The following SAV1 variants were observed in gnomAD, a reference collection of about 807,000 sequenced individuals.
SAV1 encodes the protein salvador family WW domain containing protein 1.
SAV1 carries 23 observed loss-of-function variants against 47.3 expected under a neutral mutation model. That is an observed-to-expected ratio of 0.49 (90% CI 0.35 to 0.69). SAV1 has a LOEUF of 0.69. SAV1 is among the 30% of genes least tolerant of loss of function. The probability of loss-of-function intolerance (pLI) is 0.01; values close to 1 mark genes in which losing one functional copy is unlikely to be tolerated. For synonymous variants in SAV1, 155 were observed against 159.2 expected, an observed-to-expected ratio of 0.97 and a Z score of 0.20; for missense variants, 448 against 457.4, an observed-to-expected ratio of 0.98 and a Z score of 0.19.
In SAV1 at chr14:50,635,190, T is replaced by C; in HGVS notation, c.1145A>G (p.Asn382Ser). The change falls in exon 5 of 5, where the codon AAT becomes AGT. Residue 382 changes from asparagine (N) to serine (S), a missense_variant. Transcript: ENST00000324679. ...AATTTTTAAAAAATCAGCTCAAAAA[T>C]TTTTTCCATGTTGTTGGGCATACCA... The part of the protein sequence containing the change: ...QQWYAQQHGK[N>S]F 1 of 1,610,646 alleles carries C rather than the reference T, an allele frequency of 6.2e-7. No individual in the cohort carries two copies. Among genetic ancestry groups the C allele is most frequent in the Admixed American group, 1.7e-5 (1 of 59,392 alleles).
At chr14:50,639,473 G>T (rs145228684) in intron 4 of SAV1, among the ~76,000 whole-genome samples, 1 of 152,292 alleles carries the variant, frequency 6.6e-6, no homozygotes, top group East Asian at 1.9e-4. Context: ...GAAAGCAACA[G>T]GCTTCCAGAC....
At chr14:50,645,865 A>G (rs978117770) in intron 2 of SAV1, among the ~76,000 whole-genome samples, 3 of 152,188 alleles carry the variant, frequency 2.0e-5, no homozygotes, top group Non-Finnish European at 2.9e-5. Context: ...ATTAATATTT[A>G]TATATTAACA....
chr14:50,637,668 T>TTTTTTTTTTG lies in SAV1; in HGVS notation c.951-2285_951-2284insCAAAAAAAAA, dbSNP rs1236918852. On this transcript the variant is annotated intron_variant, in intron 4 of 4. Coordinates refer to ENST00000324679, the MANE Select transcript of SAV1 (RefSeq NM_021818.4). ...AATCTTCAAACAATTTTGTCAGTTT[T>TTTTTTTTTTG]TTTTTTTTTTTTTTTTTTTTTAAGA... The TTTTTTTTTTG allele has an allele frequency of 1.9e-3, 270 of 141,592 alleles. 5 individuals are homozygous for TTTTTTTTTTG. Among genetic ancestry groups the TTTTTTTTTTG allele is most frequent in the African/African-American group, 5.8e-3 (216 of 37,166 alleles). 8.8% of individuals were successfully genotyped at this position (141,592 alleles called of 1,614,324 possible). A position where few individuals can be genotyped will look rare whatever the true frequency, so the allele number is the denominator to read the frequency against.
In SAV1 at chr14:50,634,988, T is replaced by C. The variant is rs1229935897; in HGVS notation, c.*195A>G. The C allele has an allele frequency of 5.2e-6, 3 of 572,658 alleles. No homozygotes were observed. The highest frequency in any genetic ancestry group is 2.2e-5 in the South Asian group (1 of 46,368). 35.5% of individuals were successfully genotyped at this position (572,658 alleles called of 1,614,324 possible). ...ACAGTATTTGAAAGTGTTTGCCATA[T>C]TGGCTCTTAAAATGATAGACTAATT... On this transcript the variant is annotated 3_prime_UTR_variant, in exon 5 of 5. Coordinates refer to ENST00000324679, the MANE Select transcript of SAV1 (RefSeq NM_021818.4).
intron 2 of SAV1, 140 bp from the exon 3 acceptor site, chr14:50,645,154 T>C: frequency 4.1e-6 from 3 of 737,408 alleles, no homozygotes; most frequent in Non-Finnish European, 6.4e-6. Flanking sequence ...ATTATGATGG[T>C]TTTCATAAAA....
intron 2 of SAV1, among the ~76,000 whole-genome samples, chr14:50,660,729 T>C (rs1318856434): frequency 2.0e-5 from 3 of 152,218 alleles, no homozygotes; most frequent in South Asian, 2.1e-4. Context: ...TTTGGACCCA[T>C]TAACCTACCT....
chr14:50,647,088 C>A (rs188059799), intron 2 of SAV1, among the ~76,000 whole-genome samples: 3 of 152,010 alleles, frequency 2.0e-5, no homozygotes, highest in Admixed American at 6.6e-5. Context: ...ACCTTACATA[C>A]AAATTAACTA....
Position 50,635,154 on chromosome 14 carries a change from T to TA in SAV1, c.*28dup. The TA allele has an allele frequency of 6.3e-7, 1 of 1,577,592 alleles. No individual in the cohort carries two copies. The highest frequency in any genetic ancestry group is 8.7e-7 in the Non-Finnish European group (1 of 1,149,100). On this transcript the variant is annotated 3_prime_UTR_variant, in exon 5 of 5. Coordinates refer to ENST00000324679, the MANE Select transcript of SAV1 (RefSeq NM_021818.4). ...ATCTGTGAAAATATTTTAAAGCTCT[T>TA]ACAAAACTTAAATTTTTAAAAAATC...
chr14:50,636,365 G>A (rs1210840690), intron 4 of SAV1, among the ~76,000 whole-genome samples: 1 of 152,082 alleles, frequency 6.6e-6, no homozygotes, highest in Non-Finnish European at 1.5e-5. Context: ...AAATGAAGAG[G>A]AACCCTCAAT....
chr14:50,665,693 G>C, intron 1 of SAV1, 74 bp from the exon 2 acceptor site: 1 of 1,292,976 alleles, frequency 7.7e-7, no homozygotes, highest in Non-Finnish European at 1.1e-6. Context: ...GTTCATTTAT[G>C]TCTACCACCC....
chr14:50,663,562 C>G (rs1165772098), intron 2 of SAV1, among the ~76,000 whole-genome samples: 6 of 152,204 alleles, frequency 3.9e-5, no homozygotes, highest in African/African-American at 1.4e-4. Context: ...CAGTGAGACT[C>G]TGATGTCAGC....
chr14:50,664,752 A>T (rs759918559), intron 2 of SAV1: 1 of 154,282 alleles, frequency 6.5e-6, no homozygotes, highest in Non-Finnish European at 1.4e-5. Context: ...GGTATCACTG[A>T]GCATGCCCAG....
At chr14:50,655,918 G>T (rs924084283) in intron 2 of SAV1, among the ~76,000 whole-genome samples, 2 of 152,106 alleles carry the variant, frequency 1.3e-5, no homozygotes, top group South Asian at 4.2e-4. Context: ...GGTGGCATAT[G>T]CCTGTAATTC....
In SAV1 at chr14:50,640,860, T is replaced by C. The variant is rs759463186; in HGVS notation, c.840A>G (p.Thr280=). The C allele has an allele frequency of 2.5e-6, 4 of 1,613,582 alleles. No individual in the cohort carries two copies. The highest frequency in any genetic ancestry group is 3.4e-6 in the Non-Finnish European group (4 of 1,179,714). ...TTCTTTCAGTTTGCTGTGGCTGGTA[T>C]GTGACAGGAGGTGGTTGATCATACC... is the stretch of plus-strand genomic sequence containing the variant. ...VPRYDQPPPV[T]YQPQQTERNQ... The change falls in exon 4 of 5, where the codon ACA becomes ACG. Residue 280 remains threonine, a synonymous_variant. Transcript: ENST00000324679.
chr14:50,640,913 A>G lies in SAV1; in HGVS notation c.807-20T>C. The G allele has an allele frequency of 6.3e-7, 1 of 1,579,810 alleles. No individual in the cohort carries two copies. The highest frequency in any genetic ancestry group is 1.2e-5 in the South Asian group (1 of 85,566). ...GGTACACTAAGAAGAAAGGAGTGAC[A>G]TTCTTTAGGATAAAGGTCTTAAAAT... On this transcript the variant is annotated intron_variant, in intron 3 of 4. Transcript: ENST00000324679.
chr14:50,656,578 G>C (rs1434390946), intron 2 of SAV1, among the ~76,000 whole-genome samples: 3 of 151,854 alleles, frequency 2.0e-5, no homozygotes, highest in Non-Finnish European at 2.9e-5. Flanking sequence ...GAGTAGCTGG[G>C]ACTACAGGCA....
intron 2 of SAV1, among the ~76,000 whole-genome samples, chr14:50,648,158 A>C (rs867022400): frequency 3.3e-5 from 5 of 152,244 alleles, no homozygotes; most frequent in African/African-American, 1.2e-4. Context: ...GATGAATCTC[A>C]GAAGTATCAT....
chr14:50,646,423 C>T lies in SAV1; in HGVS notation c.536-1409G>A, dbSNP rs139544579. On this transcript the variant is annotated intron_variant, in intron 2 of 4. Transcript: ENST00000324679. ...AATTCCGGCCGAGCGCAGTGGCTCA[C>T]GCCTGTAATCCGAGCACTTTGGGAG... 2.0e-3 allele frequency among the ~76,000 whole-genome samples: 310 copies of T among 152,206 alleles called. 1 individual carries two copies. Among genetic ancestry groups the T allele is most frequent in the African/African-American group, 6.9e-3 (287 of 41,482 alleles).
chr14:50,644,412 T>C (rs1285193982), intron 3 of SAV1, among the ~76,000 whole-genome samples: 1 of 152,198 alleles, frequency 6.6e-6, no homozygotes, highest in Non-Finnish European at 1.5e-5. Context: ...TCTGTTATTA[T>C]TTGTAAAAAT....
Sources: gnomAD v4.1 joint callset for allele counts (sites outside exome capture counted in the v4.1 genomes callset) on GRCh38, gnomAD v4.1.1 for gene constraint, MANE v1.5 for transcripts, NCBI Gene and HGNC (gene_info 2026-07-23, HGNC 2026-07-21) for gene names.